Variants in LRP2 observed in about 807,000 individuals in gnomAD.
The protein encoded by LRP2 is LDL receptor related protein 2, also known as low-density lipoprotein receptor-related protein 2.
In LRP2, 172 loss-of-function variants were observed where a neutral mutation model predicts 531.0. The ratio of observed to expected loss-of-function variants is 0.32; its 90% CI spans 0.29 to 0.37. The LOEUF is 0.37. Ranked by LOEUF, LRP2 falls within the 10% of genes least tolerant of loss-of-function variation. The pLI is 1.00. For missense variants in LRP2, 5,167 were observed against 5,868.3 expected (o/e 0.88, Z 3.90); for synonymous variants, 1,992 against 2,027.6 (o/e 0.98, Z 0.47).
At chr2:169,269,273 CAA>C (rs1273506111) in intron 16 of LRP2, among the ~76,000 whole-genome samples, 1 of 151,980 alleles carries the variant, frequency 6.6e-6, no homozygotes, top group Non-Finnish European at 1.5e-5. Flanking sequence ...CATATGGAAC[CAA>C]AAAAGAGCCT....
intron 3 of LRP2, among the ~76,000 whole-genome samples, chr2:169,308,228 A>C (rs1409997464): frequency 1.4e-5 from 2 of 147,448 alleles, no homozygotes; most frequent in Admixed American, 1.3e-4. Context: ...TTCCTTTTTT[A>C]TTATTATTAT....
At chr2:169,151,789 G>A (rs1395392736) in intron 67 of LRP2, among the ~76,000 whole-genome samples, 1 of 152,134 alleles carries the variant, frequency 6.6e-6, no homozygotes, top group Non-Finnish European at 1.5e-5. Context: ...AATGTCTGGA[G>A]TTTTGAGTTC....
At chr2:169,264,623 T>C (rs1487541187) in intron 16 of LRP2, among the ~76,000 whole-genome samples, 1 of 151,996 alleles carries the variant, frequency 6.6e-6, no homozygotes, top group African/African-American at 2.4e-5. Context: ...AGTAAGGTAT[T>C]GGAGGAGTGA....
At chr2:169,312,528 G>GC (rs981529791) in intron 3 of LRP2, among the ~76,000 whole-genome samples, 15 of 152,164 alleles carry the variant, frequency 9.9e-5, no homozygotes, top group African/African-American at 3.4e-4. Context: ...TTGAATATTG[G>GC]CCCCCCCTCT....
intron 2 of LRP2, among the ~76,000 whole-genome samples, chr2:169,320,567 T>C (rs939012575): frequency 6.6e-6 from 1 of 152,214 alleles, no homozygotes; most frequent in Non-Finnish European, 1.5e-5. Flanking sequence ...TGCTCTATCA[T>C]CAATGTGAAT....
At chr2:169,358,526 CTG>C (rs1686052609) in intron 1 of LRP2, among the ~76,000 whole-genome samples, 1 of 152,272 alleles carries the variant, frequency 6.6e-6, no homozygotes, top group Middle Eastern at 3.4e-3. Flanking sequence ...AAGCCAACAA[CTG>C]TGAAATTAAA....
intron 19 of LRP2, 70 bp downstream of exon 19, chr2:169,256,036 G>T: frequency 6.6e-7 from 1 of 1,513,684 alleles, no homozygotes; most frequent in Non-Finnish European, 9.1e-7. Context: ...AATGCCACAT[G>T]AGGATGAGTT....
intron 1 of LRP2, among the ~76,000 whole-genome samples, chr2:169,348,316 C>T (rs1685750937): frequency 6.6e-6 from 1 of 152,150 alleles, no homozygotes; most frequent in African/African-American, 2.4e-5. Flanking sequence ...AGAATGGGGA[C>T]TGAGATGAGG....
chr2:169,304,041 A>G (rs1464970269), intron 4 of LRP2, among the ~76,000 whole-genome samples: 2 of 152,198 alleles, frequency 1.3e-5, no homozygotes, highest in African/African-American at 4.8e-5. Flanking sequence ...TTTTTGCCAG[A>G]AGGTTCATTG....
intron 67 of LRP2, 60 bp downstream of exon 67, chr2:169,152,739 A>G: frequency 6.3e-7 from 1 of 1,581,714 alleles, no homozygotes; most frequent in Non-Finnish European, 8.7e-7. Context: ...CATGGAGTGC[A>G]GTAGAGAACT....
chr2:169,258,002 C>T (rs758880104), intron 17 of LRP2, among the ~76,000 whole-genome samples: 20 of 151,948 alleles, frequency 1.3e-4, no homozygotes, highest in Admixed American at 8.5e-4. Context: ...TTTTTCAAAA[C>T]CAAAGGCCAA....
intron 1 of LRP2, among the ~76,000 whole-genome samples, chr2:169,328,016 G>T (rs1216470228): frequency 2.2e-5 from 3 of 136,682 alleles, no homozygotes; most frequent in African/African-American, 5.5e-5. Context: ...AGGGAGGTGG[G>T]GGGGGGTCAG....
At chr2:169,219,062 G>A (rs77902271) in intron 34 of LRP2, among the ~76,000 whole-genome samples, 1 of 152,230 alleles carries the variant, frequency 6.6e-6, no homozygotes, top group East Asian at 1.9e-4. Flanking sequence ...TCTGATAAAC[G>A]AAAAACAAAT....
chr2:169,239,311 T>C (rs1239858048), intron 26 of LRP2, among the ~76,000 whole-genome samples: 1 of 152,228 alleles, frequency 6.6e-6, no homozygotes, highest in African/African-American at 2.4e-5. Flanking sequence ...GACTTGTATA[T>C]GTTTTAACCT....
intron 47 of LRP2, among the ~76,000 whole-genome samples, chr2:169,193,288 C>T (rs1407534793): frequency 6.6e-6 from 1 of 151,752 alleles, no homozygotes; most frequent in African/African-American, 2.4e-5. Flanking sequence ...AAAAAATCAG[C>T]CAGGCATGGT....
chr2:169,185,608 T>C lies in LRP2; in HGVS notation c.9740A>G (p.Gln3247Arg). The change falls in exon 50 of 79, where the codon CAG (glutamine) becomes CGG (arginine). Residue 3247 changes from glutamine (Q) to arginine (R), a missense_variant. Gln to Arg is a conservative substitution (Grantham distance 43). This residue lies in a region of LRP2 where 1,129 missense variants were observed against 1,362.7 expected (regional missense o/e 0.83). Coordinates refer to ENST00000649046, the MANE Select transcript of LRP2 (RefSeq NM_004525.3). The part of the protein sequence containing the change: ...VEKRLYWIDT[Q>R]RQVIERMFLN... Reference sequence around the variant, plus strand: ...AAACATTCTCTCAATGACTTGCCTCTGTGTATCAATCCAATACAATCTCTT... The same window carrying C: ...AAACATTCTCTCAATGACTTGCCTCCGTGTATCAATCCAATACAATCTCTT... 6.2e-7 allele frequency: 1 copy of C among 1,614,190 alleles called. No homozygotes were observed. The highest frequency in any genetic ancestry group is 8.5e-7 in the Non-Finnish European group (1 of 1,180,014).
intron 76 of LRP2, 126 bp from the exon 77 acceptor site, chr2:169,132,807 C>A (rs1685342996): frequency 2.9e-6 from 2 of 694,318 alleles, no homozygotes; most frequent in Non-Finnish European, 5.3e-6. Context: ...TCATCAGGCA[C>A]CATTTTTATT....
At chr2:169,240,932 C>G in intron 25 of LRP2, 56 bp downstream of exon 25, 1 of 1,597,928 alleles carries the variant, frequency 6.3e-7, no homozygotes, top group Non-Finnish European at 8.5e-7. Flanking sequence ...GTGATGCACA[C>G]CAGGCTACTG....
intron 8 of LRP2, 92 bp from the exon 9 acceptor site, chr2:169,289,237 A>C: frequency 2.1e-5 from 31 of 1,493,450 alleles, no homozygotes; most frequent in African/African-American, 2.7e-5. Flanking sequence ...GTAGCAGCTC[A>C]GTAAGCATGA....
Sources: gnomAD v4.1 joint callset for allele counts (sites outside exome capture counted in the v4.1 genomes callset) on GRCh38, gnomAD v4.1.1 for gene constraint, gnomAD v4.1.1 regional missense constraint, MANE v1.5 for transcripts, NCBI Gene and HGNC (gene_info 2026-07-23, HGNC 2026-07-21) for gene names.